Variants in KCNQ5 observed in about 807,000 individuals in gnomAD.
KCNQ5 encodes potassium voltage-gated channel subfamily Q member 5.
Under a neutral mutation model 98.2 loss-of-function variants are expected in KCNQ5, and 30 were observed. The ratio of observed to expected loss-of-function variants is 0.31; its 90% CI spans 0.23 to 0.41. The LOEUF (loss-of-function observed/expected upper bound fraction) is 0.41. Among genes scored for constraint, KCNQ5 ranks in the 10% least tolerant of loss-of-function variants. KCNQ5 has a pLI of 1.00. For synonymous variants in KCNQ5, 458 were observed against 449.4 expected (o/e 1.02, Z -0.24); for missense variants, 835 against 1,182.5 (o/e 0.71, Z 4.31).
chr6:72,632,224 G>A (rs546582147), intron 1 of KCNQ5, among the ~76,000 whole-genome samples: 13 of 142,674 alleles, frequency 9.1e-5, no homozygotes, highest in Admixed American at 3.0e-4. Flanking sequence ...TGCAAGCTCC[G>A]CCTCCTGGGT....
intron 1 of KCNQ5, among the ~76,000 whole-genome samples, chr6:72,651,193 A>G (rs895829128): frequency 2.0e-5 from 3 of 152,100 alleles, no homozygotes; most frequent in Non-Finnish European, 2.9e-5. Flanking sequence ...TCATCTGTGA[A>G]GTCCCTAAGT....
chr6:72,939,001 A>C (rs1203638820), intron 1 of KCNQ5, among the ~76,000 whole-genome samples: 1 of 152,174 alleles, frequency 6.6e-6, no homozygotes, highest in Non-Finnish European at 1.5e-5. Flanking sequence ...AATATCTAAA[A>C]CTTGCAAAAA....
intron 1 of KCNQ5, among the ~76,000 whole-genome samples, chr6:72,662,698 A>G (rs1766591503): frequency 6.6e-6 from 1 of 152,134 alleles, no homozygotes. Flanking sequence ...TGGCCAACTT[A>G]AGAACTAAAT....
intron 1 of KCNQ5, among the ~76,000 whole-genome samples, chr6:72,976,773 C>T (rs1768177576): frequency 6.6e-6 from 1 of 152,208 alleles, no homozygotes; most frequent in Admixed American, 6.5e-5. Flanking sequence ...ATTTAGGCAG[C>T]TTCAAATAGT....
At chr6:72,729,579 GT>G (rs1482148095) in intron 1 of KCNQ5, among the ~76,000 whole-genome samples, 2 of 152,250 alleles carry the variant, frequency 1.3e-5, no homozygotes, top group South Asian at 2.1e-4. Context: ...TGGTTTATGA[GT>G]TTTTAATTTT....
chr6:73,130,837 C>A (rs1039497121), intron 9 of KCNQ5, among the ~76,000 whole-genome samples: 3 of 152,088 alleles, frequency 2.0e-5, no homozygotes, highest in African/African-American at 7.2e-5. Context: ...TTAAAAAGTT[C>A]TTGATTAGAA....
chr6:73,186,802 T>C (rs192936059), intron 11 of KCNQ5, among the ~76,000 whole-genome samples: 1 of 152,184 alleles, frequency 6.6e-6, no homozygotes, highest in East Asian at 1.9e-4. Context: ...AAATTCTTTT[T>C]TTAAAATACT....
intron 1 of KCNQ5, among the ~76,000 whole-genome samples, chr6:72,702,752 A>T (rs919768515): frequency 2.0e-5 from 3 of 152,264 alleles, no homozygotes; most frequent in Middle Eastern, 3.4e-3. Context: ...CAATTGATTT[A>T]AAAAAATGGC....
At chr6:72,854,452 A>T (rs967874592) in intron 1 of KCNQ5, among the ~76,000 whole-genome samples, 8 of 151,874 alleles carry the variant, frequency 5.3e-5, no homozygotes, top group African/African-American at 1.4e-4. Flanking sequence ...TCTTTTTACT[A>T]TTAATATGTG....
chr6:72,814,245 T>C (rs963640659), intron 1 of KCNQ5, among the ~76,000 whole-genome samples: 1 of 152,206 alleles, frequency 6.6e-6, no homozygotes, highest in Non-Finnish European at 1.5e-5. Flanking sequence ...GAATTAGCCA[T>C]GCTCGGTGGT....
chr6:72,641,326 C>G (rs1456681176), intron 1 of KCNQ5, among the ~76,000 whole-genome samples: 1 of 152,074 alleles, frequency 6.6e-6, no homozygotes, highest in African/African-American at 2.4e-5. Context: ...CACAAAAATA[C>G]ATTTATTATT....
intron 10 of KCNQ5, chr6:73,158,156 C>G (rs9446859): frequency 6.0e-6 from 2 of 332,352 alleles, no homozygotes; most frequent in Non-Finnish European, 1.2e-5. Flanking sequence ...GGGGAGGGGG[C>G]GGGGCGGCGG....
At chr6:72,831,284 G>A (rs1028761631) in intron 1 of KCNQ5, among the ~76,000 whole-genome samples, 2 of 152,178 alleles carry the variant, frequency 1.3e-5, no homozygotes, top group Admixed American at 1.3e-4. Context: ...GCACACATAT[G>A]TTTATTGCGG....
intron 2 of KCNQ5, among the ~76,000 whole-genome samples, chr6:73,022,968 A>G (rs1461131104): frequency 6.6e-6 from 1 of 152,184 alleles, no homozygotes; most frequent in Non-Finnish European, 1.5e-5. Context: ...AATGGAAAGG[A>G]GGTCCTTAAG....
At position 73,170,777 on chromosome 6, in the gene KCNQ5, T is replaced by C. The variant is rs563831417; in HGVS notation, c.1577+923T>C. On this transcript the variant is annotated intron_variant, in intron 11 of 13. Transcript: ENST00000370398. Reference sequence around the variant, plus strand: ...GACGAAACCCTGTCTCTACTAAAAATACAAAAATTAGCTGGGTGTGGTGGC... The same window carrying C: ...GACGAAACCCTGTCTCTACTAAAAACACAAAAATTAGCTGGGTGTGGTGGC... Among the ~76,000 whole-genome samples the C allele has an allele frequency of 1.7e-3, 255 of 151,696 alleles. 1 individual carries two copies. Among genetic ancestry groups the C allele is most frequent in the African/African-American group, 6.0e-3 (249 of 41,328 alleles).
At chr6:72,852,640 A>AATATATATATATATATATATAT (rs140435793) in intron 1 of KCNQ5, among the ~76,000 whole-genome samples, 928 of 56,522 alleles carry the variant, frequency 0.016, 88 homozygotes, top group African/African-American at 0.032. Flanking sequence ...ATGAAGGGGA[A>AATATATATATATATATATATAT]ATATATATAT....
intron 1 of KCNQ5, among the ~76,000 whole-genome samples, chr6:72,796,335 T>G (rs1774334697): frequency 6.6e-6 from 1 of 152,198 alleles, no homozygotes; most frequent in Non-Finnish European, 1.5e-5. Context: ...GAAAATTATG[T>G]GACTGCCTGG....
intron 11 of KCNQ5, among the ~76,000 whole-genome samples, chr6:73,181,778 G>A (rs915868236): frequency 6.6e-6 from 1 of 152,178 alleles, no homozygotes. Context: ...AGCCAAACTG[G>A]TTCACGTCCT....
chr6:72,693,851 G>A (rs922858379), intron 1 of KCNQ5, among the ~76,000 whole-genome samples: 1 of 152,140 alleles, frequency 6.6e-6, no homozygotes, highest in Admixed American at 6.5e-5. Flanking sequence ...TTCACAGTTG[G>A]CTCACAGTTT....
Sources: allele counts gnomAD v4.1 joint callset (sites outside exome capture counted in the v4.1 genomes callset), GRCh38; gene constraint gnomAD v4.1.1; transcripts MANE v1.5; gene names NCBI Gene and HGNC (gene_info 2026-07-23, HGNC 2026-07-21).